Variants in SH3GL3 observed in about 807,000 individuals in gnomAD.
SH3GL3 encodes the protein SH3 domain containing GRB2 like 3, endophilin A3, also known as endophilin-A3.
A neutral mutation model predicts 47.7 loss-of-function variants in SH3GL3; 33 were observed. That is an observed-to-expected ratio of 0.69 (90% CI 0.52 to 0.92). The LOEUF (loss-of-function observed/expected upper bound fraction) is 0.92, where lower values mean the gene tolerates loss of function less well. Among genes scored for constraint, SH3GL3 ranks in the 40% least tolerant of loss-of-function variants. The probability of loss-of-function intolerance (pLI) is 0.00; values close to 1 mark genes in which losing one functional copy is unlikely to be tolerated. For missense variants in SH3GL3, 363 were observed against 417.8 expected, an observed-to-expected ratio of 0.87 and a Z score of 1.14; for synonymous variants, 155 against 148.8, an observed-to-expected ratio of 1.04 and a Z score of -0.30.
intron 1 of SH3GL3, among the ~76,000 whole-genome samples, chr15:83,533,005 A>G (rs912341092): frequency 2.0e-5 from 3 of 152,206 alleles, no homozygotes; most frequent in African/African-American, 7.2e-5. Flanking sequence ...CATAGTGATC[A>G]TTGCCTGGGC....
At chr15:83,601,600 G>A (rs565852416) in intron 8 of SH3GL3, among the ~76,000 whole-genome samples, 2 of 152,244 alleles carry the variant, frequency 1.3e-5, no homozygotes, top group South Asian at 4.1e-4. Context: ...CATTTAGCTA[G>A]TATATTGTCA....
chr15:83,497,812 G>A (rs377289164), intron 1 of SH3GL3, among the ~76,000 whole-genome samples: 2 of 152,170 alleles, frequency 1.3e-5, no homozygotes, highest in East Asian at 3.8e-4. Context: ...GAATCCAGCA[G>A]GCATTTGTGT....
At chr15:83,517,074 AACAT>A (rs2043007210) in intron 1 of SH3GL3, among the ~76,000 whole-genome samples, 1 of 152,036 alleles carries the variant, frequency 6.6e-6, no homozygotes, top group South Asian at 2.1e-4. Context: ...TGCTGCTATG[AACAT>A]ACTTATACAT....
chr15:83,520,930 G>A (rs1049343493), intron 1 of SH3GL3, among the ~76,000 whole-genome samples: 1 of 152,010 alleles, frequency 6.6e-6, no homozygotes, highest in African/African-American at 2.4e-5. Flanking sequence ...TTAAACATAT[G>A]CAATAAAAAT....
At chr15:83,499,939 C>A (rs2042229442) in intron 1 of SH3GL3, among the ~76,000 whole-genome samples, 2 of 152,192 alleles carry the variant, frequency 1.3e-5, no homozygotes, top group African/African-American at 4.8e-5. Context: ...TTAAAAGCTG[C>A]ATTATTTCAG....
At chr15:83,626,399 A>G in the SH3GL3 span, among the ~76,000 whole-genome samples, 2 of 152,178 alleles carry the variant, frequency 1.3e-5, no homozygotes, top group African/African-American at 4.8e-5. Context: ...GACTTTAGTG[A>G]TAAAGATTCT....
intron 1 of SH3GL3, chr15:83,490,804 G>C: frequency 6.2e-7 from 1 of 1,614,026 alleles, no homozygotes; most frequent in Non-Finnish European, 8.5e-7. Flanking sequence ...CATAAACATT[G>C]AGGACTCTCT....
intron 7 of SH3GL3, among the ~76,000 whole-genome samples, chr15:83,588,276 G>A (rs908018526): frequency 3.9e-5 from 6 of 151,912 alleles, no homozygotes; most frequent in East Asian, 1.9e-4. Flanking sequence ...GATTACAGGC[G>A]CCCACCACCA....
intron 1 of SH3GL3, among the ~76,000 whole-genome samples, chr15:83,549,384 C>T (rs148531380): frequency 2.6e-5 from 4 of 152,210 alleles, no homozygotes; most frequent in East Asian, 1.9e-4. Context: ...TTTATTCTGG[C>T]GGATAATGAG....
intron 1 of SH3GL3, among the ~76,000 whole-genome samples, chr15:83,450,239 T>C (rs1481953605): frequency 6.6e-6 from 1 of 152,220 alleles, no homozygotes; most frequent in Non-Finnish European, 1.5e-5. Context: ...CACTGAATTG[T>C]ACACTTTAAG....
intron 1 of SH3GL3, among the ~76,000 whole-genome samples, chr15:83,479,934 G>C (rs543582536): frequency 6.6e-6 from 1 of 152,330 alleles, no homozygotes; most frequent in African/African-American, 2.4e-5. Context: ...ACTGATATGT[G>C]TAAGGCACTT....
chr15:83,552,477 T>C (rs1488728176), intron 1 of SH3GL3, among the ~76,000 whole-genome samples: 1 of 152,208 alleles, frequency 6.6e-6, no homozygotes, highest in African/African-American at 2.4e-5. Flanking sequence ...TTAATTGCAT[T>C]ATGGTTAAAA....
At chr15:83,562,266 A>C (rs1299090037) in intron 2 of SH3GL3, among the ~76,000 whole-genome samples, 1 of 152,132 alleles carries the variant, frequency 6.6e-6, no homozygotes, top group African/African-American at 2.4e-5. Flanking sequence ...AGGCAGCTCC[A>C]GTATGTGCAT....
chr15:83,492,419 T>C (rs1286574227), intron 1 of SH3GL3, among the ~76,000 whole-genome samples: 1 of 150,492 alleles, frequency 6.6e-6, no homozygotes, highest in Non-Finnish European at 1.5e-5. Flanking sequence ...AGTAAATACA[T>C]GGAAAAAAAA....
At chr15:83,514,444 A>T (rs2042899744) in intron 1 of SH3GL3, among the ~76,000 whole-genome samples, 1 of 152,158 alleles carries the variant, frequency 6.6e-6, no homozygotes, top group Non-Finnish European at 1.5e-5. Context: ...AGCAAAAGAG[A>T]GACAGAGAAA....
At chr15:83,466,174 A>G (rs1222253161) in intron 1 of SH3GL3, among the ~76,000 whole-genome samples, 1 of 152,186 alleles carries the variant, frequency 6.6e-6, no homozygotes, top group East Asian at 1.9e-4. Flanking sequence ...TCAGCGTAAT[A>G]CTATATTCAC....
intron 6 of SH3GL3, 90 bp downstream of exon 6, chr15:83,576,831 G>A (rs1159785860): frequency 2.3e-6 from 2 of 884,276 alleles, no homozygotes; most frequent in Non-Finnish European, 3.3e-6. Flanking sequence ...AAACTCTAAA[G>A]CAGGAGTGTC....
chr15:83,604,605 TA>T (rs930052127), intron 8 of SH3GL3, among the ~76,000 whole-genome samples: 87 of 152,128 alleles, frequency 5.7e-4, no homozygotes, highest in African/African-American at 2.0e-3. Context: ...GAAGTGATAA[TA>T]AAAAAAAGTA....
intron 5 of SH3GL3, among the ~76,000 whole-genome samples, chr15:83,576,151 G>C (rs1222783645): frequency 6.6e-6 from 1 of 152,144 alleles, no homozygotes; most frequent in African/African-American, 2.4e-5. Context: ...GTAGAAGTTT[G>C]TGATTTTATA....
Sources: gnomAD v4.1 joint callset for allele counts (sites outside exome capture counted in the v4.1 genomes callset) on GRCh38, gnomAD v4.1.1 for gene constraint, MANE v1.5 for transcripts, NCBI Gene and HGNC (gene_info 2026-07-23, HGNC 2026-07-21) for gene names.